MOCS2: variants seen among roughly 807,000 people sequenced by gnomAD.
The protein encoded by MOCS2 is molybdopterin synthase catalytic subunit.
MOCS2 carries 13 observed loss-of-function variants against 21.9 expected under a neutral mutation model. The observed-to-expected ratio is 0.59, with a 90% CI of 0.39 to 0.94. MOCS2 has a LOEUF of 0.94. MOCS2 is among the 40% of genes least tolerant of loss of function. The pLI, the probability that MOCS2 is intolerant of heterozygous loss-of-function variation, is 0.00. For missense variants in MOCS2, 227 were observed against 218.3 expected (o/e 1.04, Z -0.25); for synonymous variants, 92 against 80.8 (o/e 1.14, Z -0.74).
Position 53,097,860 on chromosome 5 carries a change from T to C in MOCS2, c.*742A>G, listed in dbSNP as rs560172979. On this transcript the variant is annotated 3_prime_UTR_variant, in exon 7 of 7. Transcript: ENST00000396954. ...GCTTAACCAGTTAAAAATTGGGGCA[T>C]TGTTTACCTAAACATTTCAACACAA... 1.2e-4 allele frequency: 18 copies of C among 152,338 alleles called. No individual in the cohort carries two copies. Among genetic ancestry groups the C allele is most frequent in the South Asian group, 4.1e-4 (2 of 4,828 alleles). The allele number at this position is 152,338 out of a possible 1,614,324, so 9.4% of individuals were successfully genotyped here.
chr5:53,108,556 G>C lies in MOCS2; in HGVS notation c.-82C>G. 1 of 1,613,552 alleles carries C rather than the reference G, an allele frequency of 6.2e-7. No individual in the cohort carries two copies. Among genetic ancestry groups the C allele is most frequent in the Non-Finnish European group, 8.5e-7 (1 of 1,179,720 alleles). On this transcript the variant is annotated 5_prime_UTR_variant, in exon 2 of 7. Transcript: ENST00000396954. ...CGAGTTTCTATCTCCTTCCACAGCTGCAACGCTTTTATTTCTTGAGGCACA... is the reference window on the plus strand; with the variant it reads ...CGAGTTTCTATCTCCTTCCACAGCTCCAACGCTTTTATTTCTTGAGGCACA...
At chr5:53,107,248 G>A in intron 2 of MOCS2, 27 bp from the exon 3 acceptor site, 3 of 1,595,540 alleles carry the variant, frequency 1.9e-6, no homozygotes, top group Non-Finnish European at 2.6e-6. Context: ...ATGACTCAAA[G>A]TATCAACGCT....
At position 53,095,949 on chromosome 5, in the gene MOCS2, A is replaced by T. The variant is rs749809791; in HGVS notation, c.*2653T>A. The T allele has an allele frequency of 1.3e-5, 2 of 152,220 alleles. No individual in the cohort carries two copies. Among genetic ancestry groups the T allele is most frequent in the Non-Finnish European group, 2.9e-5 (2 of 68,030 alleles). 9.4% of individuals were successfully genotyped at this position (152,220 alleles called of 1,614,324 possible). A position where few individuals can be genotyped will look rare whatever the true frequency, so the allele number is the denominator to read the frequency against. On this transcript the variant is annotated 3_prime_UTR_variant, in exon 7 of 7. Coordinates refer to ENST00000396954, the MANE Select transcript of MOCS2 (RefSeq NM_004531.5). ...AGGTGTCAATTAAAGATTGGACATC[A>T]TCTTACATAAAATCAGGGCCTAATT...
At chr5:53,104,170 A>G (rs1227930927) in intron 3 of MOCS2, among the ~76,000 whole-genome samples, 1 of 152,172 alleles carries the variant, frequency 6.6e-6, no homozygotes, top group East Asian at 1.9e-4. Flanking sequence ...AAACAGCACA[A>G]TTCTTTATAT....
In MOCS2 at chr5:53,102,187, C is replaced by T. The variant is rs1475269175; in HGVS notation, c.136G>A (p.Val46Ile). The change falls in exon 4 of 7, where the codon GTT becomes ATT. Residue 46 changes from valine to isoleucine, a missense_variant. By Grantham distance (29) the Val-to-Ile change is conservative. Transcript: ENST00000396954. ...AGTTTCTCGGCAGTAAAGTTTATAACATCTTTAGATTTCTCTTCAACTTCA... is the reference window on the plus strand; with the variant it reads ...AGTTTCTCGGCAGTAAAGTTTATAATATCTTTAGATTTCTCTTCAACTTCA... ...MDEVEEKSKD[V>I]INFTAEKLSV... is the part of the protein sequence containing the mutation. 1.2e-6 allele frequency: 2 copies of T among 1,612,214 alleles called. No individual in the cohort carries two copies. The highest frequency in any genetic ancestry group is 1.7e-6 in the Non-Finnish European group (2 of 1,178,504).
rs1451391968 is a variant in MOCS2 at position 53,098,098 on chromosome 5, AT to A, written c.*503del. On this transcript the variant is annotated 3_prime_UTR_variant, in exon 7 of 7. Transcript: ENST00000396954. ...TTGAAATCATGGGTTTTAGTTTATT[AT>A]TTTTAATATATTTCTGAAAATGTAT... is the stretch of plus-strand genomic sequence containing the variant. 1.3e-5 allele frequency: 2 copies of A among 152,528 alleles called. No homozygotes were observed. Among genetic ancestry groups the A allele is most frequent in the Non-Finnish European group, 2.9e-5 (2 of 68,276 alleles). The allele number at this position is 152,528 out of a possible 1,614,324, so 9.4% of individuals were successfully genotyped here. A position where few individuals can be genotyped will look rare whatever the true frequency, so the allele number is the denominator to read the frequency against.
At chr5:53,106,642 C>T (rs569324217) in intron 3 of MOCS2, among the ~76,000 whole-genome samples, 6 of 152,240 alleles carry the variant, frequency 3.9e-5, no homozygotes, top group Admixed American at 6.5e-5. Context: ...TACAAGAAAC[C>T]GCCATGATAC....
rs1268153779 is a variant in MOCS2, at chr5:53,107,186, A to G, written c.-12T>C. 2 of 1,613,994 alleles carry G rather than the reference A, an allele frequency of 1.2e-6. No homozygotes were observed. Among genetic ancestry groups the G allele is most frequent in the Non-Finnish European group, 1.7e-6 (2 of 1,179,998 alleles). On this transcript the variant is annotated 5_prime_UTR_variant, in exon 3 of 7. Transcript: ENST00000396954. ...TCCAAGCTCGACATATTCTTGACGA[A>G]CAGCAAATATTATCTGATTTCTAAC...
At chr5:53,103,427 C>G (rs1561174991) in intron 3 of MOCS2, among the ~76,000 whole-genome samples, 1 of 152,126 alleles carries the variant, frequency 6.6e-6, no homozygotes, top group Non-Finnish European at 1.5e-5. Context: ...AAAGGAAGAA[C>G]AGAAGTGACA....
chr5:53,107,516 C>T, intron 2 of MOCS2: 1 of 385,086 alleles, frequency 2.6e-6, no homozygotes, highest in Non-Finnish European at 4.8e-6. Flanking sequence ...ACACTCAAAC[C>T]AGGTCAAAAG....
chr5:53,106,608 A>G (rs1161277641), intron 3 of MOCS2, among the ~76,000 whole-genome samples: 3 of 152,196 alleles, frequency 2.0e-5, no homozygotes, highest in Non-Finnish European at 4.4e-5. Flanking sequence ...ACTAGACTTA[A>G]TACCTGGGTG....
chr5:53,107,242 C>G (rs1288457947), intron 2 of MOCS2, 21 bp from the exon 3 acceptor site: 30 of 1,602,292 alleles, frequency 1.9e-5, no homozygotes, highest in Non-Finnish European at 2.5e-5. Context: ...AAAAATATGA[C>G]TCAAAGTATC....
Position 53,095,808 on chromosome 5 carries a change from A to ATACT in MOCS2, c.*2790_*2793dup, listed in dbSNP as rs537154885. 6.6e-6 allele frequency: 1 copy of ATACT among 152,240 alleles called. No individual in the cohort carries two copies. The highest frequency in any genetic ancestry group is 2.4e-5 in the African/African-American group (1 of 41,462). 9.4% of individuals were successfully genotyped at this position (152,240 alleles called of 1,614,324 possible). A position where few individuals can be genotyped will look rare whatever the true frequency, so the allele number is the denominator to read the frequency against. ...CCATAGTTAACTGGAAAATAATTTT[A>ATACT]TACTTACTTTTTAAAAAGTACTTCT... On this transcript the variant is annotated 3_prime_UTR_variant, in exon 7 of 7. Transcript: ENST00000396954.
In MOCS2 at chr5:53,101,465, C is replaced by T; in HGVS notation, c.271G>A (p.Glu91Lys). Residue 91 changes from glutamate to lysine, a missense_variant, in exon 5 of 7, where the codon GAA (glutamate) becomes AAA (lysine). Coordinates refer to ENST00000396954, the MANE Select transcript of MOCS2 (RefSeq NM_004531.5). Reference protein sequence around the residue: ...NFEGKKVISLEYEAYLPMAEN... With the variant: ...NFEGKKVISLKYEAYLPMAEN... ...GCCATGGGTAGATATGCTTCATATT[C>T]TAAGCTAATGACTTTTTTCCCTTCA... The T allele has an allele frequency of 6.2e-7, 1 of 1,611,872 alleles. No homozygotes were observed. The highest frequency in any genetic ancestry group is 8.5e-7 in the Non-Finnish European group (1 of 1,178,456).
rs1216806350 is a variant in MOCS2 at position 53,108,437 on chromosome 5, G to T, written c.-48+85C>A. 4 of 1,351,362 alleles carry T rather than the reference G, an allele frequency of 3.0e-6. No individual in the cohort carries two copies. The African/African-American group carries it at 4.6e-5, about 16-fold the overall frequency. The allele number at this position is 1,351,362 out of a possible 1,614,324, so 83.7% of individuals were successfully genotyped here. A position where few individuals can be genotyped will look rare whatever the true frequency, so the allele number is the denominator to read the frequency against. ...CTTTTTGACATTAAGCACGGAAATC[G>T]AAATTAACCTTTTTACTTTTATCAT... is the stretch of plus-strand genomic sequence containing the variant. On this transcript the variant is annotated intron_variant, in intron 2 of 6. Transcript: ENST00000396954.
chr5:53,107,704 T>C (rs931328238), intron 2 of MOCS2: 1 of 156,362 alleles, frequency 6.4e-6, no homozygotes, highest in Non-Finnish European at 1.4e-5. Flanking sequence ...CACAGCTTTA[T>C]TAGCTGTTCC....
Position 53,108,789 on chromosome 5 carries a change from G to C in MOCS2, c.-169-146C>G, listed in dbSNP as rs1579937738. The C allele has an allele frequency of 6.3e-6, 5 of 793,028 alleles. No homozygotes were observed. The East Asian group carries it at 1.4e-4, about 23-fold the overall frequency. 49.1% of individuals were successfully genotyped at this position (793,028 alleles called of 1,614,324 possible). A position where few individuals can be genotyped will look rare whatever the true frequency, so the allele number is the denominator to read the frequency against. The stretch of plus-strand genomic sequence containing the variant: ...ATTAAATAACCCGTAAAAAATTTCA[G>C]TATACCTACAAGTTCAAATTCTGAA... On this transcript the variant is annotated intron_variant, in intron 1 of 6. Coordinates refer to ENST00000396954, the MANE Select transcript of MOCS2 (RefSeq NM_004531.5).
chr5:53,109,655 G>A lies in MOCS2; in HGVS notation c.-574C>T. On this transcript the variant is annotated 5_prime_UTR_variant, in exon 1 of 7. Coordinates refer to ENST00000396954, the MANE Select transcript of MOCS2 (RefSeq NM_004531.5). ...GGGTATGTGGAGGGAAAGGGCGGGA[G>A]AGACACGTCGAGGAGGGCTCCGCAC... The A allele has an allele frequency of 6.5e-7, 1 of 1,548,940 alleles. No individual in the cohort carries two copies. The highest frequency in any genetic ancestry group is 2.0e-5 in the Admixed American group (1 of 51,044).
At chr5:53,099,140 TTC>T (rs1466932029) in intron 6 of MOCS2, among the ~76,000 whole-genome samples, 1 of 152,206 alleles carries the variant, frequency 6.6e-6, no homozygotes, top group African/African-American at 2.4e-5. Context: ...TCACTTTCTC[TTC>T]TCACTCTCTA....
Sources: allele counts gnomAD v4.1 joint callset (sites outside exome capture counted in the v4.1 genomes callset), GRCh38; gene constraint gnomAD v4.1.1; transcripts MANE v1.5; gene names NCBI Gene and HGNC (gene_info 2026-07-23, HGNC 2026-07-21).